TENM3: variants seen among roughly 807,000 people sequenced by gnomAD.
The protein encoded by TENM3 is teneurin-3.
In TENM3, 63 loss-of-function variants were observed where a neutral mutation model predicts 255.1. That is an observed-to-expected ratio of 0.25 (90% CI 0.20 to 0.30). The LOEUF (loss-of-function observed/expected upper bound fraction) is 0.30, where lower values mean the gene tolerates loss of function less well. Ranked by LOEUF, TENM3 falls within the 10% of genes least tolerant of loss-of-function variation. The pLI, the probability that TENM3 is intolerant of heterozygous loss-of-function variation, is 1.00. For missense variants in TENM3, 2,929 were observed against 3,461.1 expected, an observed-to-expected ratio of 0.85 and a Z score of 3.86; for synonymous variants, 1,306 against 1,322.3, an observed-to-expected ratio of 0.99 and a Z score of 0.27.
the TENM3 span, among the ~76,000 whole-genome samples, chr4:182,089,597 T>C: frequency 6.6e-6 from 1 of 152,206 alleles, no homozygotes; most frequent in African/African-American, 2.4e-5. Context: ...TTGGACTCTC[T>C]CTCATGTAAC....
chr4:182,413,702 C>A (rs1770173064), intron 3 of TENM3, among the ~76,000 whole-genome samples: 1 of 152,136 alleles, frequency 6.6e-6, no homozygotes, highest in South Asian at 2.1e-4. Context: ...AAGATTTTCC[C>A]CAAATGCTTT....
At chr4:181,819,673 C>T in the TENM3 span, among the ~76,000 whole-genome samples, 1 of 152,172 alleles carries the variant, frequency 6.6e-6, no homozygotes, top group African/African-American at 2.4e-5. Context: ...GCATTAGATT[C>T]TCATAAGGAG....
chr4:182,356,968 T>C (rs1299926046), intron 3 of TENM3, among the ~76,000 whole-genome samples: 2 of 150,872 alleles, frequency 1.3e-5, no homozygotes, highest in Admixed American at 6.6e-5. Context: ...ATATGCGGTG[T>C]TTGGTTTTTT....
chr4:181,880,574 T>A, the TENM3 span, among the ~76,000 whole-genome samples: 1 of 152,302 alleles, frequency 6.6e-6, no homozygotes, highest in Admixed American at 6.5e-5. Flanking sequence ...ACCCAATTTT[T>A]AGTAACATAG....
the TENM3 span, among the ~76,000 whole-genome samples, chr4:182,069,278 A>G: frequency 6.6e-6 from 1 of 152,232 alleles, no homozygotes; most frequent in African/African-American, 2.4e-5. Flanking sequence ...CCTTTCTGGC[A>G]TTAAAATATC....
At chr4:181,526,064 A>G in the TENM3 span, among the ~76,000 whole-genome samples, 1 of 152,212 alleles carries the variant, frequency 6.6e-6, no homozygotes, top group African/African-American at 2.4e-5. Flanking sequence ...AATATTCACT[A>G]GCAGTATGAC....
chr4:182,153,145 C>T (rs1750460813), intron 1 of TENM3, among the ~76,000 whole-genome samples: 1 of 151,870 alleles, frequency 6.6e-6, no homozygotes, highest in South Asian at 2.1e-4. Context: ...GTAATCAAAA[C>T]ATACACTAAC....
intron 3 of TENM3, among the ~76,000 whole-genome samples, chr4:182,384,009 C>T (rs1377209528): frequency 1.3e-5 from 2 of 152,188 alleles, no homozygotes; most frequent in African/African-American, 2.4e-5. Context: ...CCGCTTCGGT[C>T]AGTTTTGTTT....
chr4:181,991,255 T>C, the TENM3 span, among the ~76,000 whole-genome samples: 1 of 152,116 alleles, frequency 6.6e-6, no homozygotes, highest in South Asian at 2.1e-4. Context: ...TCCCGTTCTG[T>C]TTTTCAGTTT....
In TENM3 at chr4:182,220,935, G is replaced by A. The variant is rs536159749; in HGVS notation, c.-76+76181G>A. On this transcript the variant is annotated intron_variant, in intron 1 of 2. Transcript: ENST00000512480. ...TATTTAGAAGAAGTCTTAAGCCCCA[G>A]CATACGAAACTAAGATATCTACATA... Among the ~76,000 whole-genome samples the A allele has an allele frequency of 2.0e-5, 3 of 152,308 alleles. No homozygotes were observed. The South Asian group carries it at 6.2e-4, about 32-fold the overall frequency.
chr4:181,474,445 G>T, the TENM3 span, among the ~76,000 whole-genome samples: 1 of 152,022 alleles, frequency 6.6e-6, no homozygotes, highest in East Asian at 1.9e-4. Flanking sequence ...GATATGTAAA[G>T]AAAGTTTCTG....
intron 2 of TENM3, among the ~76,000 whole-genome samples, chr4:182,344,122 C>T (rs1450448402): frequency 6.6e-6 from 1 of 151,962 alleles, no homozygotes; most frequent in African/African-American, 2.4e-5. Flanking sequence ...GTGTGAGTCA[C>T]ATTTACATAA....
chr4:181,598,345 T>C, the TENM3 span, among the ~76,000 whole-genome samples: 1 of 152,120 alleles, frequency 6.6e-6, no homozygotes, highest in South Asian at 2.1e-4. Context: ...GTACTACAGA[T>C]CCCAGTTAAA....
At chr4:182,174,216 G>A (rs1477183588) in intron 1 of TENM3, among the ~76,000 whole-genome samples, 1 of 151,948 alleles carries the variant, frequency 6.6e-6, no homozygotes, top group Admixed American at 6.6e-5. Flanking sequence ...ACTAAGGGTA[G>A]TGTCTCTAAG....
chr4:182,532,569 T>C (rs1257977475), intron 3 of TENM3, among the ~76,000 whole-genome samples: 1 of 152,234 alleles, frequency 6.6e-6, no homozygotes, highest in Non-Finnish European at 1.5e-5. Context: ...TGAGCTTGAT[T>C]AGTTGATGAG....
At chr4:181,619,049 C>G in the TENM3 span, among the ~76,000 whole-genome samples, 1 of 152,156 alleles carries the variant, frequency 6.6e-6, no homozygotes, top group Non-Finnish European at 1.5e-5. Context: ...TTGAGCCTAA[C>G]CAATGGGAGG....
At chr4:182,074,081 C>A in the TENM3 span, among the ~76,000 whole-genome samples, 1 of 152,196 alleles carries the variant, frequency 6.6e-6, no homozygotes, top group Non-Finnish European at 1.5e-5. Context: ...ATTAAGTCAT[C>A]TGGCAGGGTC....
At chr4:181,835,585 T>C in the TENM3 span, among the ~76,000 whole-genome samples, 1 of 152,172 alleles carries the variant, frequency 6.6e-6, no homozygotes, top group Non-Finnish European at 1.5e-5. Flanking sequence ...TCCAGGTTGC[T>C]TGGTATGAGT....
At chr4:181,750,363 T>C in the TENM3 span, among the ~76,000 whole-genome samples, 1 of 152,206 alleles carries the variant, frequency 6.6e-6, no homozygotes, top group Non-Finnish European at 1.5e-5. Context: ...TCATCTTCTG[T>C]GCTTAACAGT....
Sources: allele counts gnomAD v4.1 joint callset (sites outside exome capture counted in the v4.1 genomes callset), GRCh38; gene constraint gnomAD v4.1.1; transcripts MANE v1.5; gene names NCBI Gene and HGNC (gene_info 2026-07-23, HGNC 2026-07-21).